The following RBMS3 variants were observed in gnomAD, a reference collection of about 807,000 sequenced individuals.
The protein encoded by RBMS3 is RNA binding motif single stranded interacting protein 3.
Under a neutral mutation model 66.8 loss-of-function variants are expected in RBMS3, and 27 were observed. The ratio of observed to expected loss-of-function variants is 0.40; its 90% CI spans 0.30 to 0.56. The LOEUF is 0.56. RBMS3 is among the 20% of genes least tolerant of loss of function. RBMS3 has a pLI of 0.40. For missense variants in RBMS3, 513 were observed against 549.5 expected (o/e 0.93, Z 0.66); for synonymous variants, 188 against 183.0 (o/e 1.03, Z -0.22).
At chr3:29,413,417 CATACAT>C (rs879404093) in intron 1 of RBMS3, among the ~76,000 whole-genome samples, 1,331 of 118,442 alleles carry the variant, frequency 0.011, 11 homozygotes, top group South Asian at 0.015. Context: ...TACATACATA[CATACAT>C]ACACAGAGTT....
At chr3:29,586,888 C>T (rs1401536899) in intron 3 of RBMS3, among the ~76,000 whole-genome samples, 1 of 152,022 alleles carries the variant, frequency 6.6e-6, no homozygotes, top group Non-Finnish European at 1.5e-5. Flanking sequence ...CACCCAATCT[C>T]CAAAACAATG....
chr3:29,379,989 A>G lies in RBMS3; in HGVS notation c.76-54754A>G, dbSNP rs532223974. Among the ~76,000 whole-genome samples, 4 of 152,326 alleles carry G rather than the reference A, an allele frequency of 2.6e-5. No individual in the cohort carries two copies. In the South Asian group the frequency reaches 8.3e-4, roughly 32 times the overall value. On this transcript the variant is annotated intron_variant, in intron 1 of 14. Coordinates refer to ENST00000383767, the MANE Select transcript of RBMS3 (RefSeq NM_001003793.3). ...GGCCTTTCAACTGAAACCTGAAGAA[A>G]TAGAATGAATTTGCTTTGCAGAAAC...
chr3:29,602,539 T>C (rs914828807), intron 4 of RBMS3, among the ~76,000 whole-genome samples: 3 of 152,032 alleles, frequency 2.0e-5, no homozygotes, highest in Non-Finnish European at 4.4e-5. Flanking sequence ...TGTTCCCTAG[T>C]TGAAGAATGT....
intron 10 of RBMS3, among the ~76,000 whole-genome samples, chr3:29,920,322 C>A (rs2060738510): frequency 6.6e-6 from 1 of 152,170 alleles, no homozygotes; most frequent in South Asian, 2.1e-4. Context: ...TCTTTGACTA[C>A]TAGTAATTTT....
At chr3:29,887,502 A>C (rs181077140) in intron 8 of RBMS3, among the ~76,000 whole-genome samples, 1 of 151,850 alleles carries the variant, frequency 6.6e-6, no homozygotes, top group East Asian at 1.9e-4. Context: ...TGGAGAAGGT[A>C]TCTTGCTTCC....
chr3:29,286,404 C>T (rs2032339533), intron 1 of RBMS3, among the ~76,000 whole-genome samples: 1 of 151,830 alleles, frequency 6.6e-6, no homozygotes. Context: ...GTTTTTGCAA[C>T]ACTGAGTTTG....
chr3:29,456,762 A>G (rs1054777850), intron 2 of RBMS3, among the ~76,000 whole-genome samples: 3 of 152,216 alleles, frequency 2.0e-5, no homozygotes, highest in East Asian at 1.9e-4. Flanking sequence ...AGTGTGTTCA[A>G]TGTAAAAATC....
intron 7 of RBMS3, among the ~76,000 whole-genome samples, chr3:29,881,267 C>T (rs1302875032): frequency 6.6e-6 from 1 of 152,070 alleles, no homozygotes; most frequent in African/African-American, 2.4e-5. Flanking sequence ...TATCTGATCA[C>T]CCCCAGCCTC....
intron 6 of RBMS3, among the ~76,000 whole-genome samples, chr3:29,843,161 G>A (rs1299337728): frequency 6.6e-6 from 1 of 152,136 alleles, no homozygotes; most frequent in African/African-American, 2.4e-5. Flanking sequence ...ATAGTGGATT[G>A]GATTTTACTC....
chr3:29,384,003 G>A (rs2125629207), intron 1 of RBMS3, among the ~76,000 whole-genome samples: 1 of 152,264 alleles, frequency 6.6e-6, no homozygotes. Flanking sequence ...TACCTGAGGT[G>A]GTTGGTAATG....
chr3:29,330,080 T>G (rs1225567712), intron 1 of RBMS3, among the ~76,000 whole-genome samples: 1 of 152,166 alleles, frequency 6.6e-6, no homozygotes, highest in Non-Finnish European at 1.5e-5. Flanking sequence ...ATAGCCAGAA[T>G]AGACCAGGCA....
chr3:29,966,333 A>G (rs774456282), intron 12 of RBMS3, among the ~76,000 whole-genome samples: 2 of 152,080 alleles, frequency 1.3e-5, no homozygotes, highest in Non-Finnish European at 2.9e-5. Context: ...TATTGATTCT[A>G]CCCATCCATG....
chr3:29,772,380 A>G (rs2581888), intron 6 of RBMS3, among the ~76,000 whole-genome samples: 52,168 of 151,888 alleles, frequency 0.34, 9,207 homozygotes, highest in Middle Eastern at 0.43. Flanking sequence ...TATCATCCAG[A>G]CTATTCCTAT....
At chr3:29,592,829 T>G in intron 4 of RBMS3, among the ~76,000 whole-genome samples, 1 of 151,632 alleles carries the variant, frequency 6.6e-6, no homozygotes, top group East Asian at 2.0e-4. Flanking sequence ...TATGCAGCCA[T>G]AAAAAAGGAT....
intron 3 of RBMS3, among the ~76,000 whole-genome samples, chr3:29,529,690 G>A (rs1478311191): frequency 6.6e-6 from 1 of 152,104 alleles, no homozygotes; most frequent in East Asian, 1.9e-4. Context: ...AGATGTGAGT[G>A]TTTTGGTGAG....
intron 6 of RBMS3, among the ~76,000 whole-genome samples, chr3:29,824,093 C>G (rs1007964841): frequency 6.6e-6 from 1 of 151,930 alleles, no homozygotes; most frequent in Non-Finnish European, 1.5e-5. Flanking sequence ...TTGCTATGGT[C>G]TTAATGTTTA....
intron 4 of RBMS3, among the ~76,000 whole-genome samples, chr3:29,720,191 T>C (rs769406952): frequency 1.3e-5 from 2 of 152,154 alleles, no homozygotes; most frequent in Non-Finnish European, 2.9e-5. Context: ...AACGTGGCCT[T>C]TTCACCTTCC....
intron 4 of RBMS3, among the ~76,000 whole-genome samples, chr3:29,613,861 C>A (rs1247677434): frequency 2.0e-5 from 3 of 151,918 alleles, no homozygotes; most frequent in African/African-American, 7.2e-5. Flanking sequence ...AAAAAAGAAC[C>A]CTGTACACTA....
At chr3:29,873,841 TAATC>T (rs889691508) in intron 7 of RBMS3, among the ~76,000 whole-genome samples, 1 of 152,240 alleles carries the variant, frequency 6.6e-6, no homozygotes, top group Middle Eastern at 3.2e-3. Context: ...TCATTTGAGA[TAATC>T]AAGTGTTTTT....
Sources: gnomAD v4.1 joint callset for allele counts (sites outside exome capture counted in the v4.1 genomes callset) on GRCh38, gnomAD v4.1.1 for gene constraint, MANE v1.5 for transcripts, NCBI Gene and HGNC (gene_info 2026-07-23, HGNC 2026-07-21) for gene names.